Variants in INSR observed in about 807,000 individuals in gnomAD.
INSR encodes IR.
In INSR, 67 loss-of-function variants were observed where a neutral mutation model predicts 142.6. The observed-to-expected ratio is 0.47, with a 90% CI of 0.39 to 0.58. The LOEUF (loss-of-function observed/expected upper bound fraction) is 0.58, where lower values mean the gene tolerates loss of function less well. INSR is among the 20% of genes least tolerant of loss of function. The pLI is 0.00. For missense variants in INSR, 1,248 were observed against 1,833.2 expected (o/e 0.68, Z 5.83); for synonymous variants, 756 against 743.1 (o/e 1.02, Z -0.28).
intron 10 of INSR, among the ~76,000 whole-genome samples, chr19:7,151,196 CTTT>C (rs1973346188): frequency 1.1e-5 from 1 of 91,988 alleles, no homozygotes; most frequent in Admixed American, 1.4e-4. Context: ...TTCTTTCTTT[CTTT>C]CTTTCTTTCT....
intron 2 of INSR, 152 bp from the exon 3 acceptor site, chr19:7,184,789 G>A (rs1974385318): frequency 2.0e-6 from 1 of 496,304 alleles, no homozygotes; most frequent in Non-Finnish European, 3.2e-6. Context: ...AGTAAAAGCG[G>A]CACGTCTACA....
chr19:7,289,342 G>A (rs1375335020), intron 1 of INSR, among the ~76,000 whole-genome samples: 2 of 151,924 alleles, frequency 1.3e-5, no homozygotes, highest in African/African-American at 4.8e-5. Context: ...ATGGGGATTG[G>A]GGGGTACTGG....
chr19:7,141,605 G>A (rs991450539), intron 13 of INSR, 72 bp downstream of exon 13: 3 of 1,599,456 alleles, frequency 1.9e-6, no homozygotes, highest in African/African-American at 2.7e-5. Flanking sequence ...GCAGAGGAAG[G>A]AGGTACCAAG....
intron 11 of INSR, 51 bp from the exon 12 acceptor site, chr19:7,143,141 T>TA (rs57337884): frequency 3.1e-6 from 5 of 1,596,116 alleles, no homozygotes; most frequent in Admixed American, 3.3e-5. Flanking sequence ...TCATTTTTTT[T>TA]AAAAAAGTGA....
chr19:7,208,832 CT>C (rs1379063077), intron 2 of INSR, among the ~76,000 whole-genome samples: 1 of 152,106 alleles, frequency 6.6e-6, no homozygotes, highest in Non-Finnish European at 1.5e-5. Flanking sequence ...GCGAAACCCC[CT>C]CTCTACTAAA....
intron 19 of INSR, among the ~76,000 whole-genome samples, chr19:7,122,157 A>T (rs998249896): frequency 6.8e-5 from 10 of 146,460 alleles, no homozygotes; most frequent in African/African-American, 2.5e-4. Context: ...AAAGAAAAAA[A>T]AAAAAAGCCG....
At chr19:7,173,649 T>C (rs1323167806) in intron 4 of INSR, among the ~76,000 whole-genome samples, 1 of 123,366 alleles carries the variant, frequency 8.1e-6, no homozygotes, top group Non-Finnish European at 1.6e-5. Flanking sequence ...AGATGGAGTC[T>C]CACTCTGTCG....
chr19:7,141,460 A>C (rs1355884119), intron 13 of INSR: 3 of 610,342 alleles, frequency 4.9e-6, no homozygotes, highest in Non-Finnish European at 8.7e-6. Flanking sequence ...GCTGGAAAGC[A>C]ATGTGAGAAA....
chr19:7,235,748 A>G (rs1230351282), intron 2 of INSR, among the ~76,000 whole-genome samples: 1 of 152,022 alleles, frequency 6.6e-6, no homozygotes, highest in East Asian at 1.9e-4. Context: ...CAGGAGGCCG[A>G]GGTGGGAGGA....
chr19:7,255,330 A>G (rs1267010650), intron 2 of INSR, among the ~76,000 whole-genome samples: 1 of 151,892 alleles, frequency 6.6e-6, no homozygotes, highest in Non-Finnish European at 1.5e-5. Context: ...CCCCTCCTAA[A>G]CACAGCCCCT....
chr19:7,248,836 C>T (rs895331415), intron 2 of INSR, among the ~76,000 whole-genome samples: 1 of 144,532 alleles, frequency 6.9e-6, no homozygotes, highest in Non-Finnish European at 1.5e-5. Context: ...TGGCTCACTG[C>T]AAACTCTGCC....
chr19:7,163,824 T>A (rs1205938592), intron 8 of INSR, among the ~76,000 whole-genome samples: 1 of 147,768 alleles, frequency 6.8e-6, no homozygotes, highest in African/African-American at 2.5e-5. Context: ...ATGCCTGTAA[T>A]CCCAGCACTT....
rs186118838 is a variant in INSR at position 7,172,547 on chromosome 19, C to A, written c.1124-113G>T. The A allele has an allele frequency of 1.4e-4, 159 of 1,117,870 alleles. 1 individual carries two copies. The East Asian group carries it at 3.1e-3, about 22-fold the overall frequency. 69.2% of individuals were successfully genotyped at this position (1,117,870 alleles called of 1,614,324 possible). On this transcript the variant is annotated intron_variant, in intron 4 of 21. Coordinates refer to ENST00000302850, the MANE Select transcript of INSR (RefSeq NM_000208.4). ...GCTGCAAATGACTGGACATACCCAG[C>A]TCAAAACTCATCATGCTTAGAACAC... is the stretch of plus-strand genomic sequence containing the variant.
Position 7,137,379 on chromosome 19 carries a change from G to A in INSR, c.2682+4298C>T, listed in dbSNP as rs139065303. Among the ~76,000 whole-genome samples, 622 of 152,196 alleles carry A rather than the reference G, an allele frequency of 4.1e-3. 4 individuals are homozygous for A. Among genetic ancestry groups the A allele is most frequent in the African/African-American group, 0.014 (577 of 41,530 alleles). On this transcript the variant is annotated intron_variant, in intron 13 of 21. Coordinates refer to ENST00000302850, the MANE Select transcript of INSR (RefSeq NM_000208.4). Reference sequence around the variant, plus strand: ...ACCTCAGTCTAGCTGGGAATGCTGGGATGCACTCTGTCTTCCTCTGGGTTT... The same window carrying A: ...ACCTCAGTCTAGCTGGGAATGCTGGAATGCACTCTGTCTTCCTCTGGGTTT...
Position 7,117,142 on chromosome 19 carries a change from A to G in INSR, c.4063T>C (p.Tyr1355His), listed in dbSNP as rs766457461. Residue 1355 changes from tyrosine to histidine, a missense_variant, in exon 22 of 22, where the codon TAC becomes CAC. By Grantham distance (83) the Tyr-to-His change is moderately conservative. Coordinates refer to ENST00000302850, the MANE Select transcript of INSR (RefSeq NM_000208.4). ...TGTGTGTAAGGGATGTGTTCCTCGT[A>G]GCTCCGCTTGAAACCCAGCGAGGAC... ...GGSSLGFKRS[Y>H]EEHIPYTHMN... 63 of 1,613,816 alleles carry G rather than the reference A, an allele frequency of 3.9e-5. No individual in the cohort carries two copies. The highest frequency in any genetic ancestry group is 5.1e-5 in the Non-Finnish European group (60 of 1,179,980).
chr19:7,228,319 A>G (rs1433870330), intron 2 of INSR, among the ~76,000 whole-genome samples: 1 of 152,248 alleles, frequency 6.6e-6, no homozygotes, highest in East Asian at 1.9e-4. Context: ...AGCAAAATAA[A>G]TCTGCTGTCA....
At position 7,250,445 on chromosome 19, in the gene INSR, GAAGAAAGAAAAGGAAGAAAAGA is replaced by G. The variant is rs1418763903; in HGVS notation, c.652+16878_652+16899del. On this transcript the variant is annotated intron_variant, in intron 2 of 21. Coordinates refer to ENST00000302850, the MANE Select transcript of INSR (RefSeq NM_000208.4). ...AGCAAGGAAGAAAGAAGAAAAGAAAGAAGAAAGAAAAGGAAGAAAAGAAAGAAAGAAAAGAAAGAGAAGGAAG... is the reference window on the plus strand; with the variant it reads ...AGCAAGGAAGAAAGAAGAAAAGAAAGAAGAAAGAAAAGAAAGAGAAGGAAG... Among the ~76,000 whole-genome samples, 32 of 55,206 alleles carry G rather than the reference GAAGAAAGAAAAGGAAGAAAAGA, an allele frequency of 5.8e-4. No individual in the cohort carries two copies. In the East Asian group the frequency reaches 9.1e-3, roughly 16 times the overall value. 36.2% of individuals were successfully genotyped at this position (55,206 alleles called of 152,430 possible).
intron 1 of INSR, among the ~76,000 whole-genome samples, chr19:7,279,514 T>G: frequency 7.0e-6 from 1 of 142,972 alleles, no homozygotes; most frequent in African/African-American, 2.6e-5. Flanking sequence ...CAGTTTAGAG[T>G]GGCAAGAACA....
In INSR at chr19:7,170,595, G is replaced by A. The variant is rs1416818193; in HGVS notation, c.1425C>T (p.Thr475=). 1 of 1,613,612 alleles carries A rather than the reference G, an allele frequency of 6.2e-7. No homozygotes were observed. Among genetic ancestry groups the A allele is most frequent in the African/African-American group, 1.3e-5 (1 of 74,822 alleles). The part of the protein sequence containing the change: ...EIHKMEEVSG[T]KGRQERNDIA... The stretch of plus-strand genomic sequence containing the variant: ...TGTCGTTTCTCTCCTGGCGCCCCTT[G>A]GTTCCTGAAACTTCTTCCATCTTGT... Residue 475 remains threonine, a synonymous_variant, in exon 6 of 22, where the codon ACC becomes ACT. Transcript: ENST00000302850.
Sources: gnomAD v4.1 joint callset for allele counts (sites outside exome capture counted in the v4.1 genomes callset) on GRCh38, gnomAD v4.1.1 for gene constraint, MANE v1.5 for transcripts, NCBI Gene and HGNC (gene_info 2026-07-23, HGNC 2026-07-21) for gene names.